Variants in SLC35E1 observed in about 807,000 individuals in gnomAD.
SLC35E1 encodes the protein solute carrier family 35, member E1.
SLC35E1 carries 12 observed loss-of-function variants against 31.0 expected under a neutral mutation model. The ratio of observed to expected loss-of-function variants is 0.39; its 90% CI spans 0.25 to 0.63. SLC35E1 has a LOEUF of 0.63. SLC35E1 is among the 20% of genes least tolerant of loss of function. The pLI is 0.52. For synonymous variants in SLC35E1, 257 were observed against 264.1 expected, an observed-to-expected ratio of 0.97 and a Z score of 0.26; for missense variants, 429 against 572.2, an observed-to-expected ratio of 0.75 and a Z score of 2.55.
intron 3 of SLC35E1, 114 bp from the exon 4 acceptor site, chr19:16,566,771 G>A (rs906749208): frequency 6.8e-6 from 9 of 1,330,908 alleles, no homozygotes; most frequent in Non-Finnish European, 8.2e-6. Flanking sequence ...ATCTGAGCTT[G>A]GACACCAAAC....
chr19:16,571,503 C>T lies in SLC35E1; in HGVS notation c.492+9G>A, dbSNP rs759736133. On this transcript the variant is annotated intron_variant, in intron 2 of 5. Transcript: ENST00000595753. ...CTCCCATCTGCCCAGAGTCCCTGCC[C>T]GGGGTTACCTTGGTGCTCTGCTTCT... 4 of 1,613,728 alleles carry T rather than the reference C, an allele frequency of 2.5e-6. No individual in the cohort carries two copies. The highest frequency in any genetic ancestry group is 2.2e-5 in the South Asian group (2 of 91,062).
chr19:16,572,314 T>G lies in SLC35E1; in HGVS notation c.51A>C (p.Ala17=). ...CGCGCGCCCCACCACTGCTGCTCGC[T>G]GCGCCCGGGCCCCCCGCGCCGTGGC... is the stretch of plus-strand genomic sequence containing the variant. ...GAGHGAGGPG[A]ASSSGGAREG... Residue 17 remains alanine (A), a synonymous_variant, in exon 1 of 6, where the codon GCA becomes GCC. Coordinates refer to ENST00000595753, the MANE Select transcript of SLC35E1 (RefSeq NM_024881.5). This position sits in a 1 kb window ranked among gnomAD's most constrained non-coding sequence, Gnocchi z 4.1. The G allele has an allele frequency of 7.8e-7, 1 of 1,288,912 alleles. No homozygotes were observed. The allele number at this position is 1,288,912 out of a possible 1,614,324, so 79.8% of individuals were successfully genotyped here.
At chr19:16,565,072 T>C (rs1252750135) in intron 4 of SLC35E1, 2 of 454,520 alleles carry the variant, frequency 4.4e-6, no homozygotes, top group Non-Finnish European at 8.8e-6. Flanking sequence ...AGAATCGCAC[T>C]GGCCTCCTCC....
At chr19:16,566,696 A>C (rs200753014) in intron 3 of SLC35E1, 39 bp from the exon 4 acceptor site, 11 of 1,589,692 alleles carry the variant, frequency 6.9e-6, no homozygotes, top group Non-Finnish European at 9.4e-6. Context: ...GATTAAAACT[A>C]TATGTGGCAA....
chr19:16,555,684 C>T lies in SLC35E1; in HGVS notation c.757-287G>A, dbSNP rs1486923918. On this transcript the variant is annotated intron_variant, in intron 4 of 5. Transcript: ENST00000595753. The surrounding 1 kb of genome is among the most constrained non-coding windows in gnomAD (Gnocchi z 4.1). ...GCACCAAGCAAGACGTAAGCCAAAG[C>T]CTTCCCTGGCAGTGAACAGCCAGGA... 2.5e-6 allele frequency: 1 copy of T among 404,318 alleles called. No individual in the cohort carries two copies. The highest frequency in any genetic ancestry group is 4.0e-5 in the Admixed American group (1 of 24,812). 25.0% of individuals were successfully genotyped at this position (404,318 alleles called of 1,614,324 possible).
intron 1 of SLC35E1, 22 bp downstream of exon 1, chr19:16,571,922 C>G (rs555330778): frequency 6.5e-7 from 1 of 1,532,766 alleles, no homozygotes; most frequent in African/African-American, 1.4e-5. Context: ...CCGCCGCCCC[C>G]GAGGCCGGGC....
chr19:16,572,359 C>A lies in SLC35E1; in HGVS notation c.6G>T (p.Ala2=). The A allele has an allele frequency of 9.8e-7, 1 of 1,021,240 alleles. No homozygotes were observed. The highest frequency in any genetic ancestry group is 1.2e-6 in the Non-Finnish European group (1 of 851,738). 63.3% of individuals were successfully genotyped at this position (1,021,240 alleles called of 1,614,324 possible). M[A]AAAVGAGHGA... is the part of the protein sequence containing the mutation. ...CGTGGCCCGCGCCCACCGCGGCCGC[C>A]GCCATCCTGCCCGAGCGGCCGCCCC... is the stretch of plus-strand genomic sequence containing the variant. Residue 2 remains alanine, a synonymous_variant, in exon 1 of 6, where the codon GCG becomes GCT. Coordinates refer to ENST00000595753, the MANE Select transcript of SLC35E1 (RefSeq NM_024881.5). The surrounding 1 kb of genome is among the most constrained non-coding windows in gnomAD (Gnocchi z 4.1).
At chr19:16,558,322 G>C (rs78864139) in intron 4 of SLC35E1, among the ~76,000 whole-genome samples, 1 of 150,378 alleles carries the variant, frequency 6.6e-6, no homozygotes, top group African/African-American at 2.5e-5. Flanking sequence ...GGGACTACAG[G>C]TGTGAGCCAC....
rs1036475652 is a variant in SLC35E1, at chr19:16,572,371, C to T, written c.-7G>A. On this transcript the variant is annotated 5_prime_UTR_variant, in exon 1 of 6. Coordinates refer to ENST00000595753, the MANE Select transcript of SLC35E1 (RefSeq NM_024881.5). The surrounding 1 kb of genome is among the most constrained non-coding windows in gnomAD (Gnocchi z 4.1). Reference sequence around the variant, plus strand: ...CCACCGCGGCCGCCGCCATCCTGCCCGAGCGGCCGCCCCTTCCAGCCCGTC... The same window carrying T: ...CCACCGCGGCCGCCGCCATCCTGCCTGAGCGGCCGCCCCTTCCAGCCCGTC... 1 of 1,003,646 alleles carries T rather than the reference C, an allele frequency of 1.0e-6. No individual in the cohort carries two copies. The highest frequency in any genetic ancestry group is 1.2e-6 in the Non-Finnish European group (1 of 842,106). 62.2% of individuals were successfully genotyped at this position (1,003,646 alleles called of 1,614,324 possible).
rs1039402620 is a variant in SLC35E1 at position 16,552,725 on chromosome 19, C to T, written c.*954G>A. On this transcript the variant is annotated 3_prime_UTR_variant, in exon 6 of 6. Coordinates refer to ENST00000595753, the MANE Select transcript of SLC35E1 (RefSeq NM_024881.5). ...CCCATAATGGGGACCAAGGCAAAAACACACACACACAACTACAAAATATTC... is the reference window on the plus strand; with the variant it reads ...CCCATAATGGGGACCAAGGCAAAAATACACACACACAACTACAAAATATTC... 3 of 152,132 alleles carry T rather than the reference C, an allele frequency of 2.0e-5. No individual in the cohort carries two copies. The highest frequency in any genetic ancestry group is 6.6e-5 in the Admixed American group (1 of 15,256). The allele number at this position is 152,132 out of a possible 1,614,324, so 9.4% of individuals were successfully genotyped here.
At chr19:16,560,894 A>AAAAAAAAAACAAAAAGAAAAAAAC (rs1282867880) in intron 4 of SLC35E1, among the ~76,000 whole-genome samples, 1 of 143,604 alleles carries the variant, frequency 7.0e-6, no homozygotes, top group Admixed American at 7.4e-5. Context: ...AAAAAAAAAA[A>AAAAAAAAAACAAAAAGAAAAAAAC]AAAAAAGAGA....
intron 4 of SLC35E1, among the ~76,000 whole-genome samples, chr19:16,559,912 G>C (rs1255951789): frequency 6.6e-6 from 1 of 152,224 alleles, no homozygotes; most frequent in Admixed American, 6.5e-5. Context: ...TAAAAGTCTG[G>C]GTCTTATTTA....
In SLC35E1 at chr19:16,555,112, G is replaced by A; in HGVS notation, c.1002+40C>T. On this transcript the variant is annotated intron_variant, in intron 5 of 5. Transcript: ENST00000595753. This position sits in a 1 kb window ranked among gnomAD's most constrained non-coding sequence, Gnocchi z 4.1. Reference sequence around the variant, plus strand: ...CTTTTCTGACTTCCTGGGTGTTGGGGGGCCGGCTTCCTTCCCTGCCCAGCC... The same window carrying A: ...CTTTTCTGACTTCCTGGGTGTTGGGAGGCCGGCTTCCTTCCCTGCCCAGCC... 1 of 1,611,324 alleles carries A rather than the reference G, an allele frequency of 6.2e-7. No homozygotes were observed. Among genetic ancestry groups the A allele is most frequent in the Middle Eastern group, 1.7e-4 (1 of 6,038 alleles).
At chr19:16,557,853 A>G (rs1188215055) in intron 4 of SLC35E1, among the ~76,000 whole-genome samples, 1 of 151,948 alleles carries the variant, frequency 6.6e-6, no homozygotes, top group Non-Finnish European at 1.5e-5. Flanking sequence ...TTGCTCTGTC[A>G]CCTAGGCTGC....
At position 16,550,567 on chromosome 19, in the gene SLC35E1, C is replaced by A. The variant is rs957333512; in HGVS notation, c.*3112G>T. Reference sequence around the variant, plus strand: ...CCAACATGGTGAAACCCTGTCTCTACTAAAAACACAAAAAATTAGCCAGCC... The same window carrying A: ...CCAACATGGTGAAACCCTGTCTCTAATAAAAACACAAAAAATTAGCCAGCC... On this transcript the variant is annotated 3_prime_UTR_variant, in exon 6 of 6. Transcript: ENST00000595753. The A allele has an allele frequency of 6.6e-6, 1 of 152,304 alleles. No homozygotes were observed. The highest frequency in any genetic ancestry group is 1.5e-5 in the Non-Finnish European group (1 of 68,126). The allele number at this position is 152,304 out of a possible 1,614,324, so 9.4% of individuals were successfully genotyped here.
chr19:16,568,757 G>A (rs998766342), intron 2 of SLC35E1, among the ~76,000 whole-genome samples: 2 of 152,246 alleles, frequency 1.3e-5, no homozygotes, highest in Middle Eastern at 3.4e-3. Flanking sequence ...AGTCTTGAAC[G>A]CCTGATCCAC....
At chr19:16,571,105 A>C (rs2085955715) in intron 2 of SLC35E1, among the ~76,000 whole-genome samples, 1 of 151,940 alleles carries the variant, frequency 6.6e-6, no homozygotes, top group Non-Finnish European at 1.5e-5. Flanking sequence ...CAAAAAAAAA[A>C]AAAAAAAAGT....
intron 4 of SLC35E1, among the ~76,000 whole-genome samples, chr19:16,562,034 A>G (rs1047545677): frequency 3.3e-5 from 5 of 152,152 alleles, no homozygotes; most frequent in Non-Finnish European, 7.3e-5. Context: ...AAAAAAAAGA[A>G]CCAACCAAAC....
In SLC35E1 at chr19:16,555,548, G is replaced by T; in HGVS notation, c.757-151C>A. The T allele has an allele frequency of 9.8e-7, 1 of 1,015,944 alleles. No individual in the cohort carries two copies. Among genetic ancestry groups the T allele is most frequent in the Non-Finnish European group, 1.4e-6 (1 of 713,484 alleles). 62.9% of individuals were successfully genotyped at this position (1,015,944 alleles called of 1,614,324 possible). A position where few individuals can be genotyped will look rare whatever the true frequency, so the allele number is the denominator to read the frequency against. On this transcript the variant is annotated intron_variant, in intron 4 of 5. Coordinates refer to ENST00000595753, the MANE Select transcript of SLC35E1 (RefSeq NM_024881.5). This position sits in a 1 kb window ranked among gnomAD's most constrained non-coding sequence, Gnocchi z 4.1. ...GCAGCCAGTCCAGATGTGTCACCAA[G>T]AGACACTAGGTGCTTTAGGTCCATG...
Sources: gnomAD v4.1 joint callset for allele counts (sites outside exome capture counted in the v4.1 genomes callset) on GRCh38, gnomAD v4.1.1 for gene constraint, Gnocchi (gnomAD v3.1) non-coding constraint, MANE v1.5 for transcripts, NCBI Gene and HGNC (gene_info 2026-07-23, HGNC 2026-07-21) for gene names.